Variants in MALRD1 observed in about 807,000 individuals in gnomAD.
MALRD1 encodes the protein MAM and LDL-receptor class A domain-containing protein 1.
Under a neutral mutation model 242.1 loss-of-function variants are expected in MALRD1, and 247 were observed. The ratio of observed to expected loss-of-function variants is 1.02; its 90% CI spans 0.92 to 1.13. MALRD1 has a LOEUF of 1.13. Among genes scored for constraint, MALRD1 ranks in the 50% most tolerant of loss-of-function variants. The pLI, the probability that MALRD1 is intolerant of heterozygous loss-of-function variation, is 0.00. For synonymous variants in MALRD1, 995 were observed against 866.6 expected (o/e 1.15, Z -2.60); for missense variants, 2,989 against 2,533.1 (o/e 1.18, Z -3.86).
intron 28 of MALRD1, among the ~76,000 whole-genome samples, chr10:19,431,884 G>A (rs1225683291): frequency 6.6e-6 from 1 of 152,146 alleles, no homozygotes; most frequent in African/African-American, 2.4e-5. Context: ...TAACTGACAC[G>A]TTGCTTTTGA....
chr10:19,458,267 TATTG>T (rs1835763841), intron 29 of MALRD1, among the ~76,000 whole-genome samples: 2 of 152,192 alleles, frequency 1.3e-5, no homozygotes, highest in African/African-American at 2.4e-5. Context: ...TCCCTGCAAA[TATTG>T]ATTAACAAAA....
At chr10:19,563,028 GC>G (rs200360899) in intron 32 of MALRD1, among the ~76,000 whole-genome samples, 170 of 152,206 alleles carry the variant, frequency 1.1e-3, no homozygotes, top group Middle Eastern at 3.4e-3. Flanking sequence ...AGTTTATTCA[GC>G]TTTTTTTTGT....
intron 12 of MALRD1, among the ~76,000 whole-genome samples, chr10:19,156,176 G>T: frequency 6.6e-6 from 1 of 152,130 alleles, no homozygotes; most frequent in East Asian, 1.9e-4. Context: ...ATATTATTCC[G>T]AGGTATAAAC....
At chr10:19,711,399 A>G (rs1365852851) in intron 38 of MALRD1, 6 of 152,248 alleles carry the variant, frequency 3.9e-5, no homozygotes, top group African/African-American at 1.4e-4. Flanking sequence ...GTTAGGGGCT[A>G]GGAATATAAG....
At chr10:19,228,798 G>A (rs777975449) in intron 18 of MALRD1, among the ~76,000 whole-genome samples, 18 of 152,010 alleles carry the variant, frequency 1.2e-4, no homozygotes, top group South Asian at 1.0e-3. Context: ...GAATATACAC[G>A]TGTTTTCTTT....
chr10:19,371,536 A>G (rs958493821), intron 26 of MALRD1, among the ~76,000 whole-genome samples: 12 of 151,964 alleles, frequency 7.9e-5, no homozygotes, highest in Non-Finnish European at 1.6e-4. Context: ...AGCTGTGGGT[A>G]TTACACTAAC....
Position 19,088,187 on chromosome 10 carries a change from TA to T in MALRD1, c.597+3del, listed in dbSNP as rs1248648821. ...ATCCAGAGTTCACAGAGATTTCAGGTATGTGTGTTCTATTTTCTAACTATGG... is the reference window on the plus strand; with the variant it reads ...ATCCAGAGTTCACAGAGATTTCAGGTTGTGTGTTCTATTTTCTAACTATGG... On this transcript the variant is annotated splice_donor_region_variant and intron_variant, in intron 4 of 39. Coordinates refer to ENST00000454679, the MANE Select transcript of MALRD1 (RefSeq NM_001142308.3). 4.1e-6 allele frequency: 5 copies of T among 1,233,116 alleles called. No individual in the cohort carries two copies. Among genetic ancestry groups the T allele is most frequent in the Non-Finnish European group, 5.1e-6 (5 of 987,618 alleles). The allele number at this position is 1,233,116 out of a possible 1,614,324, so 76.4% of individuals were successfully genotyped here. A position where few individuals can be genotyped will look rare whatever the true frequency, so the allele number is the denominator to read the frequency against.
chr10:19,267,634 G>T (rs983414395), intron 19 of MALRD1, among the ~76,000 whole-genome samples: 4 of 152,084 alleles, frequency 2.6e-5, no homozygotes, highest in African/African-American at 9.7e-5. Context: ...ATCACCTGCA[G>T]CTTTTCATCT....
intron 24 of MALRD1, among the ~76,000 whole-genome samples, chr10:19,340,095 G>C (rs909589104): frequency 1.3e-5 from 2 of 152,062 alleles, no homozygotes; most frequent in Admixed American, 1.3e-4. Flanking sequence ...TCTGACACTT[G>C]GAGATTACAA....
intron 31 of MALRD1, among the ~76,000 whole-genome samples, chr10:19,522,691 C>G (rs989448430): frequency 2.0e-5 from 3 of 152,064 alleles, no homozygotes; most frequent in Non-Finnish European, 4.4e-5. Context: ...TCCAAATGAG[C>G]TGTAAATTAT....
chr10:19,115,883 A>G (rs1836854519), intron 5 of MALRD1, among the ~76,000 whole-genome samples: 1 of 152,162 alleles, frequency 6.6e-6, no homozygotes, highest in African/African-American at 2.4e-5. Flanking sequence ...CTCAAACAAA[A>G]GAAAAAAGAA....
chr10:19,377,808 A>G (rs1400350745), intron 26 of MALRD1, among the ~76,000 whole-genome samples: 3 of 152,122 alleles, frequency 2.0e-5, no homozygotes, highest in Admixed American at 2.0e-4. Flanking sequence ...AGTATTCTAT[A>G]AGCAAATTAA....
At chr10:19,524,401 C>T in intron 31 of MALRD1, among the ~76,000 whole-genome samples, 1 of 151,944 alleles carries the variant, frequency 6.6e-6, no homozygotes, top group East Asian at 1.9e-4. Flanking sequence ...CACTTGAACC[C>T]AAGAGGCGGA....
chr10:19,055,479 C>A (rs914178823), intron 1 of MALRD1, among the ~76,000 whole-genome samples: 1 of 152,104 alleles, frequency 6.6e-6, no homozygotes, highest in Non-Finnish European at 1.5e-5. Flanking sequence ...TTGCCTGTAC[C>A]AATGTCATGG....
At chr10:19,724,265 G>T (rs928742673) in intron 38 of MALRD1, among the ~76,000 whole-genome samples, 1 of 152,142 alleles carries the variant, frequency 6.6e-6, no homozygotes, top group Non-Finnish European at 1.5e-5. Flanking sequence ...GGAGGGGGAA[G>T]CACACATCTG....
intron 26 of MALRD1, among the ~76,000 whole-genome samples, chr10:19,380,277 C>CTTTTT (rs11449066): frequency 1.4e-5 from 2 of 140,680 alleles, no homozygotes; most frequent in Non-Finnish European, 3.1e-5. Flanking sequence ...GGCCAGCCTT[C>CTTTTT]TTTTTTTTTT....
intron 28 of MALRD1, among the ~76,000 whole-genome samples, chr10:19,419,225 G>A (rs1833625341): frequency 6.6e-6 from 1 of 152,086 alleles, no homozygotes; most frequent in South Asian, 2.1e-4. Context: ...CTCTTAAAAT[G>A]ATTTTCCTTA....
At chr10:19,105,030 C>T (rs1420885322) in intron 5 of MALRD1, among the ~76,000 whole-genome samples, 5 of 151,920 alleles carry the variant, frequency 3.3e-5, no homozygotes, top group Non-Finnish European at 5.9e-5. Context: ...GTAGTAAGAA[C>T]ATTTGAAATT....
chr10:19,642,044 A>C (rs1300744963), intron 36 of MALRD1, among the ~76,000 whole-genome samples: 2 of 152,198 alleles, frequency 1.3e-5, no homozygotes, highest in African/African-American at 4.8e-5. Flanking sequence ...ATTTCTAAGA[A>C]ATATCTTCAA....
Sources: allele counts gnomAD v4.1 joint callset (sites outside exome capture counted in the v4.1 genomes callset), GRCh38; gene constraint gnomAD v4.1.1; transcripts MANE v1.5; gene names NCBI Gene and HGNC (gene_info 2026-07-23, HGNC 2026-07-21).